Variants in DRC1 observed in about 807,000 individuals in gnomAD.
The protein encoded by DRC1 is dynein regulatory complex protein 1.
Under a neutral mutation model 98.7 loss-of-function variants are expected in DRC1, and 74 were observed. The ratio of observed to expected loss-of-function variants is 0.75; its 90% CI spans 0.62 to 0.91. DRC1 has a LOEUF of 0.91. Among genes scored for constraint, DRC1 ranks in the 40% least tolerant of loss-of-function variants. The probability of loss-of-function intolerance (pLI) is 0.00; values close to 1 mark genes in which losing one functional copy is unlikely to be tolerated. For missense variants in DRC1, 875 were observed against 886.0 expected (o/e 0.99, Z 0.16); for synonymous variants, 336 against 334.1 (o/e 1.01, Z -0.06).
At chr2:26,425,853 G>A (rs532982384) in intron 4 of DRC1, among the ~76,000 whole-genome samples, 59 of 151,944 alleles carry the variant, frequency 3.9e-4, no homozygotes, top group Non-Finnish European at 6.2e-4. Flanking sequence ...TTCCTATTCC[G>A]TATATTGCCT....
chr2:26,437,202 G>C (rs1029760166), intron 7 of DRC1, among the ~76,000 whole-genome samples: 1 of 152,296 alleles, frequency 6.6e-6, no homozygotes, highest in South Asian at 2.1e-4. Context: ...TCCCTTTCCT[G>C]GGAGACACTC....
In DRC1 at chr2:26,424,182, T is replaced by TATTCTAGAG. The variant is rs1279470568; in HGVS notation, c.357-78_357-70dup. The TATTCTAGAG allele has an allele frequency of 1.6e-5, 24 of 1,506,032 alleles. No individual in the cohort carries two copies. In the African/African-American group the frequency reaches 3.0e-4, roughly 19 times the overall value. The allele number at this position is 1,506,032 out of a possible 1,614,324, so 93.3% of individuals were successfully genotyped here. ...GGCAGTGCCTAGTACCTGGGTCTTA[T>TATTCTAGAG]ATTCTAGAGATTCTAGAGAACGTAC... On this transcript the variant is annotated intron_variant, in intron 3 of 16. Transcript: ENST00000288710.
At chr2:26,449,913 G>A (rs1404234060) in intron 11 of DRC1, 83 bp from the exon 12 acceptor site, 10 of 1,271,176 alleles carry the variant, frequency 7.9e-6, no homozygotes, top group Admixed American at 1.9e-5. Context: ...TCCCTGGAGT[G>A]TTACACAGGG....
intron 10 of DRC1, among the ~76,000 whole-genome samples, chr2:26,445,275 T>G (rs899196683): frequency 1.3e-5 from 2 of 152,236 alleles, no homozygotes; most frequent in African/African-American, 4.8e-5. Flanking sequence ...TAAGATCCAT[T>G]AACTGTATTA....
At position 26,448,775 on chromosome 2, in the gene DRC1, G is replaced by A; in HGVS notation, c.1481G>A (p.Arg494Lys). 1 of 1,614,224 alleles carries A rather than the reference G, an allele frequency of 6.2e-7. No individual in the cohort carries two copies. Among genetic ancestry groups the A allele is most frequent in the South Asian group, 1.1e-5 (1 of 91,084 alleles). Residue 494 changes from arginine to lysine, a missense_variant, in exon 11 of 17, where the codon AGG becomes AAG. Transcript: ENST00000288710. ...PKQISEKTTK[R>K]ILMLLCDESG... Reference sequence around the variant, plus strand: ...CAAATTTCTGAAAAAACTACCAAGAGGATCCTGATGCTCCTGTGTGACGAG... The same window carrying A: ...CAAATTTCTGAAAAAACTACCAAGAAGATCCTGATGCTCCTGTGTGACGAG...
intron 7 of DRC1, among the ~76,000 whole-genome samples, chr2:26,433,584 T>C (rs144635887): frequency 1.3e-5 from 2 of 152,356 alleles, no homozygotes; most frequent in East Asian, 3.9e-4. Context: ...TGATAATTTA[T>C]GTGACAAAAC....
intron 7 of DRC1, among the ~76,000 whole-genome samples, chr2:26,434,046 G>A (rs1417922940): frequency 6.6e-6 from 1 of 152,270 alleles, no homozygotes. Flanking sequence ...CAAGCCAAAT[G>A]GCACTGATTT....
chr2:26,414,786 G>A (rs1678742521), intron 2 of DRC1, among the ~76,000 whole-genome samples: 2 of 152,000 alleles, frequency 1.3e-5, no homozygotes, highest in South Asian at 2.1e-4. Flanking sequence ...TTGGTGAGGC[G>A]GATCCACTCA....
chr2:26,415,748 A>C (rs1416050321), intron 2 of DRC1, among the ~76,000 whole-genome samples: 1 of 152,176 alleles, frequency 6.6e-6, no homozygotes, highest in Admixed American at 6.5e-5. Flanking sequence ...CCTGGCCAAC[A>C]TGGTGAAACC....
chr2:26,455,922 G>A (rs60687675), intron 16 of DRC1, among the ~76,000 whole-genome samples: 27,212 of 108,514 alleles, frequency 0.25, 4,033 homozygotes, highest in East Asian at 0.45. Flanking sequence ...AGGTCGTGAC[G>A]CAGCTGTTAG....
chr2:26,434,726 C>G (rs550338217), intron 7 of DRC1, among the ~76,000 whole-genome samples: 52 of 152,060 alleles, frequency 3.4e-4, no homozygotes, highest in African/African-American at 1.2e-3. Flanking sequence ...CACGTCTCTA[C>G]TAAAAATACA....
At chr2:26,414,866 T>TA (rs1182857869) in intron 2 of DRC1, among the ~76,000 whole-genome samples, 1 of 152,134 alleles carries the variant, frequency 6.6e-6, no homozygotes, top group African/African-American at 2.4e-5. Flanking sequence ...AGGCCCCCTC[T>TA]ATTCTCCTCT....
chr2:26,437,055 C>T (rs757960278), intron 7 of DRC1, among the ~76,000 whole-genome samples: 7 of 152,258 alleles, frequency 4.6e-5, no homozygotes, highest in Non-Finnish European at 7.4e-5. Context: ...GTTCAGTCCA[C>T]GTGTATTTGG....
intron 7 of DRC1, among the ~76,000 whole-genome samples, chr2:26,439,979 A>G (rs1254658786): frequency 6.9e-6 from 1 of 144,980 alleles, no homozygotes; most frequent in East Asian, 2.0e-4. Flanking sequence ...ATATACACAC[A>G]TATATATATT....
intron 8 of DRC1, among the ~76,000 whole-genome samples, chr2:26,442,775 C>G (rs996680273): frequency 1.3e-5 from 2 of 152,202 alleles, no homozygotes; most frequent in Non-Finnish European, 2.9e-5. Flanking sequence ...AGTTCTCCAG[C>G]CTCACTCCCC....
intron 11 of DRC1, 128 bp downstream of exon 11, chr2:26,448,931 G>T (rs1663931302): frequency 1.1e-6 from 1 of 917,198 alleles, no homozygotes; most frequent in South Asian, 1.6e-5. Context: ...CCAGGGTTGG[G>T]CCCTGAGGAG....
chr2:26,446,952 T>G (rs1328666971), intron 10 of DRC1, among the ~76,000 whole-genome samples: 7 of 151,648 alleles, frequency 4.6e-5, no homozygotes, highest in African/African-American at 2.4e-5. Flanking sequence ...AATTAGCCGG[T>G]CATGGCGTGC....
intron 13 of DRC1, 85 bp downstream of exon 13, chr2:26,450,766 C>G (rs1452670131): frequency 8.3e-7 from 1 of 1,208,794 alleles, no homozygotes; most frequent in Admixed American, 3.1e-5. Context: ...TTCTGGGTTA[C>G]ATGTGCAGAA....
chr2:26,456,074 T>C (rs1278725459), intron 16 of DRC1, among the ~76,000 whole-genome samples: 4 of 152,192 alleles, frequency 2.6e-5, no homozygotes, highest in African/African-American at 9.7e-5. Context: ...CCTTGGCCTG[T>C]GACAGGACCC....
Sources: allele counts gnomAD v4.1 joint callset (sites outside exome capture counted in the v4.1 genomes callset), GRCh38; gene constraint gnomAD v4.1.1; transcripts MANE v1.5; gene names NCBI Gene and HGNC (gene_info 2026-07-23, HGNC 2026-07-21).